The following CCDC183 variants were observed in gnomAD, a reference collection of about 807,000 sequenced individuals.
CCDC183 encodes the protein coiled-coil domain-containing protein 183.
CCDC183 carries 63 observed loss-of-function variants against 65.2 expected under a neutral mutation model. The ratio of observed to expected loss-of-function variants is 0.97; its 90% CI spans 0.79 to 1.19. The LOEUF is 1.19. Among genes scored for constraint, CCDC183 ranks in the 50% most tolerant of loss-of-function variants. CCDC183 has a pLI of 0.00. For synonymous variants in CCDC183, 323 were observed against 276.5 expected (o/e 1.17, Z -1.67); for missense variants, 769 against 689.3 (o/e 1.12, Z -1.30).
At chr9:136,800,298 G>T in intron 4 of CCDC183, 91 bp from the exon 5 acceptor site, 1 of 1,458,720 alleles carries the variant, frequency 6.9e-7, no homozygotes, top group Non-Finnish European at 9.3e-7. Flanking sequence ...GGGGCTAAGA[G>T]AGCACGACCC....
chr9:136,798,295 CG>C (rs140726287), intron 1 of CCDC183, among the ~76,000 whole-genome samples: 37,422 of 150,756 alleles, frequency 0.25, 4,806 homozygotes, highest in African/African-American at 0.32. Context: ...CATGAGCCAC[CG>C]GCGCCTAGCT....
intron 9 of CCDC183, 74 bp from the exon 10 acceptor site, chr9:136,806,004 A>G: frequency 7.8e-7 from 1 of 1,274,318 alleles, no homozygotes; most frequent in Non-Finnish European, 1.1e-6. Flanking sequence ...GGCCCAGAAG[A>G]AACCAGTTCT....
In CCDC183 at chr9:136,807,656, G is replaced by T; in HGVS notation, c.1571G>T (p.Gly524Val). The T allele has an allele frequency of 1.2e-6, 2 of 1,604,164 alleles. No individual in the cohort carries two copies. Among genetic ancestry groups the T allele is most frequent in the Non-Finnish European group, 1.7e-6 (2 of 1,175,722 alleles). ...AGGCAGGCGCAGCGGCTAATCGAGG[G>T]GAAGCTCAAGGCGGCCAAGAAAAAG... ...IKRQAQRLIE[G>V]KLKAAKKKKK Residue 524 changes from glycine to valine, a missense_variant, in exon 14 of 14, where the codon GGG becomes GTG. By Grantham distance (109) the Gly-to-Val change is moderately radical. Transcript: ENST00000338005.
At chr9:136,798,377 T>G (rs1045611996) in intron 1 of CCDC183, among the ~76,000 whole-genome samples, 1 of 151,832 alleles carries the variant, frequency 6.6e-6, no homozygotes, top group Non-Finnish European at 1.5e-5. Flanking sequence ...CTCAGCTCAC[T>G]GCAACCTCCA....
Position 136,800,056 on chromosome 9 carries a change from C to T in CCDC183, c.325C>T (p.Leu109=). The T allele has an allele frequency of 6.3e-7, 1 of 1,587,256 alleles. No individual in the cohort carries two copies. Among genetic ancestry groups the T allele is most frequent in the Non-Finnish European group, 8.6e-7 (1 of 1,167,764 alleles). The change falls in exon 4 of 14, where the codon CTA becomes TTA. Residue 109 remains leucine, a synonymous_variant. Coordinates refer to ENST00000338005, the MANE Select transcript of CCDC183 (RefSeq NM_001039374.5). ...CTTCGACCGCGTGAACATGCACAACCTACTGATCCACCTGGTGCGGCGGCG... is the reference window on the plus strand; with the variant it reads ...CTTCGACCGCGTGAACATGCACAACTTACTGATCCACCTGGTGCGGCGGCG... The part of the protein sequence containing the change: ...YVFDRVNMHN[L]LIHLVRRRGQ...
At position 136,804,630 on chromosome 9, in the gene CCDC183, A is replaced by G. The variant is rs1187292657; in HGVS notation, c.792+3A>G. On this transcript the variant is annotated splice_donor_region_variant and intron_variant, in intron 7 of 13. Transcript: ENST00000338005. The surrounding 1 kb of genome is among the most constrained non-coding windows in gnomAD (Gnocchi z 4.1). Reference sequence around the variant, plus strand: ...AGACCAGCGAGAAGTACCGCCGGGTAAGCCCCAGGCCAGGGCCTGGCTGGC... The same window carrying G: ...AGACCAGCGAGAAGTACCGCCGGGTGAGCCCCAGGCCAGGGCCTGGCTGGC... 1.9e-6 allele frequency: 3 copies of G among 1,613,632 alleles called. No homozygotes were observed. In the South Asian group the frequency reaches 3.3e-5, roughly 18 times the overall value.
At chr9:136,798,314 T>G (rs1847684122) in intron 1 of CCDC183, among the ~76,000 whole-genome samples, 1 of 148,984 alleles carries the variant, frequency 6.7e-6, no homozygotes, top group South Asian at 2.1e-4. Flanking sequence ...GCTTATTTAT[T>G]TTTTTGAGAC....
intron 1 of CCDC183, among the ~76,000 whole-genome samples, chr9:136,797,041 G>C (rs1847658985): frequency 6.6e-6 from 1 of 152,194 alleles, no homozygotes; most frequent in African/African-American, 2.4e-5. Context: ...CCCTGGGAAT[G>C]GAATGTCTCA....
Position 136,804,362 on chromosome 9 carries a change from G to A in CCDC183, c.667-140G>A. The A allele has an allele frequency of 8.3e-7, 1 of 1,211,742 alleles. No homozygotes were observed. Among genetic ancestry groups the A allele is most frequent in the Non-Finnish European group, 1.1e-6 (1 of 887,316 alleles). 75.1% of individuals were successfully genotyped at this position (1,211,742 alleles called of 1,614,324 possible). On this transcript the variant is annotated intron_variant, in intron 6 of 13. Coordinates refer to ENST00000338005, the MANE Select transcript of CCDC183 (RefSeq NM_001039374.5). This position sits in a 1 kb window ranked among gnomAD's most constrained non-coding sequence, Gnocchi z 4.1. ...GGGGCCACGGGCACAAGTGGTTTAG[G>A]AAAAGGGTGTGGCCATTGGCCGGGG... is the stretch of plus-strand genomic sequence containing the variant.
At chr9:136,803,949 G>T (rs1286205284) in intron 6 of CCDC183, 1 of 160,360 alleles carries the variant, frequency 6.2e-6, no homozygotes, top group East Asian at 1.9e-4. Flanking sequence ...GTGTACTCAG[G>T]CTGCAGGGAC....
intron 9 of CCDC183, 59 bp downstream of exon 9, chr9:136,805,516 G>GGAGCATTACCCAGGC: frequency 6.8e-7 from 1 of 1,465,994 alleles, no homozygotes; most frequent in Non-Finnish European, 9.5e-7. Flanking sequence ...CTCACGTCTG[G>GGAGCATTACCCAGGC]GTAATGCTCC....
chr9:136,805,353 C>T lies in CCDC183; in HGVS notation c.848-4C>T. ...CTGACTGCCCCTCCCCTCTGCTCTG[C>T]CAGTGAGGAGAAAAGAGACCTCCAC... On this transcript the variant is annotated splice_polypyrimidine_tract_variant and splice_region_variant and intron_variant, in intron 8 of 13. Coordinates refer to ENST00000338005, the MANE Select transcript of CCDC183 (RefSeq NM_001039374.5). 1 of 1,610,622 alleles carries T rather than the reference C, an allele frequency of 6.2e-7. No homozygotes were observed. Among genetic ancestry groups the T allele is most frequent in the Non-Finnish European group, 8.5e-7 (1 of 1,178,076 alleles).
Position 136,796,435 on chromosome 9 carries a change from C to A in CCDC183, c.38C>A (p.Thr13Asn), listed in dbSNP as rs1220454064. 1.3e-6 allele frequency: 2 copies of A among 1,580,980 alleles called. No homozygotes were observed. Among genetic ancestry groups the A allele is most frequent in the Non-Finnish European group, 1.7e-6 (2 of 1,163,388 alleles). ...AGTGAGACAGATGTGGAAGAGCAGA[C>A]CCAGGAGCTGAAGACCATCACTCAG... Reference protein sequence around the residue: ...RHSETDVEEQTQELKTITQLQ... With the variant: ...RHSETDVEEQNQELKTITQLQ... Residue 13 changes from threonine to asparagine, a missense_variant, in exon 1 of 14, where the codon ACC (threonine) becomes AAC (asparagine). By Grantham distance (65) the Thr-to-Asn change is moderately conservative. Transcript: ENST00000338005.
At chr9:136,796,550 T>G (rs775183184) in intron 1 of CCDC183, 83 bp downstream of exon 1, 22 of 928,698 alleles carry the variant, frequency 2.4e-5, no homozygotes, top group Admixed American at 4.2e-5. Flanking sequence ...AAAAGAGAGA[T>G]CAGATTGTTA....
At position 136,804,174 on chromosome 9, in the gene CCDC183, T is replaced by G. The variant is rs1847801189; in HGVS notation, c.667-328T>G. ...CAAGGGCACGCTGGAAGAGGCCAGG[T>G]TTTGGGGAAGAGGATGAATCTGTCT... On this transcript the variant is annotated intron_variant, in intron 6 of 13. Coordinates refer to ENST00000338005, the MANE Select transcript of CCDC183 (RefSeq NM_001039374.5). This position sits in a 1 kb window ranked among gnomAD's most constrained non-coding sequence, Gnocchi z 4.1. 3.5e-6 allele frequency: 1 copy of G among 287,896 alleles called. No individual in the cohort carries two copies. The highest frequency in any genetic ancestry group is 6.8e-6 in the Non-Finnish European group (1 of 147,486). The allele number at this position is 287,896 out of a possible 1,614,324, so 17.8% of individuals were successfully genotyped here.
chr9:136,807,671 C>T lies in CCDC183; in HGVS notation c.1586C>T (p.Ala529Val). 6.2e-7 allele frequency: 1 copy of T among 1,602,596 alleles called. No individual in the cohort carries two copies. Among genetic ancestry groups the T allele is most frequent in the Non-Finnish European group, 8.5e-7 (1 of 1,174,850 alleles). The part of the protein sequence containing the change: ...QRLIEGKLKA[A>V]KKKKK Reference sequence around the variant, plus strand: ...CTAATCGAGGGGAAGCTCAAGGCGGCCAAGAAAAAGAAGAAGTAGCCCCGC... The same window carrying T: ...CTAATCGAGGGGAAGCTCAAGGCGGTCAAGAAAAAGAAGAAGTAGCCCCGC... Residue 529 changes from alanine to valine, a missense_variant, in exon 14 of 14, where the codon GCC becomes GTC. Ala to Val is a moderately conservative substitution (Grantham distance 64). Coordinates refer to ENST00000338005, the MANE Select transcript of CCDC183 (RefSeq NM_001039374.5).
In CCDC183 at chr9:136,807,075, C is replaced by T. The variant is rs770948741; in HGVS notation, c.1486+9C>T. 15 of 1,612,488 alleles carry T rather than the reference C, an allele frequency of 9.3e-6. No homozygotes were observed. Among genetic ancestry groups the T allele is most frequent in the African/African-American group, 6.7e-5 (5 of 75,008 alleles). ...GGAGGAGGATATGATCGGTACAGGC[C>T]CCGGAACTGGGGCCCGGGCTGCAGG... On this transcript the variant is annotated intron_variant, in intron 13 of 13. Transcript: ENST00000338005.
At position 136,799,703 on chromosome 9, in the gene CCDC183, C is replaced by T. The variant is rs755997601; in HGVS notation, c.193-10C>T. 5.6e-6 allele frequency: 9 copies of T among 1,612,020 alleles called. No individual in the cohort carries two copies. Among genetic ancestry groups the T allele is most frequent in the Non-Finnish European group, 7.6e-6 (9 of 1,179,476 alleles). On this transcript the variant is annotated splice_polypyrimidine_tract_variant and intron_variant, in intron 2 of 13. Coordinates refer to ENST00000338005, the MANE Select transcript of CCDC183 (RefSeq NM_001039374.5). ...GGGCCCGCTCTAGCTCAGCCGCCGC[C>T]GCTCCGCAGTATGACCAGTGGACCA... is the stretch of plus-strand genomic sequence containing the variant.
At position 136,805,431 on chromosome 9, in the gene CCDC183, AGTGCTGTACG is replaced by A. The variant is rs746541542; in HGVS notation, c.928_937del (p.Val310LeufsTer34). On this transcript the variant is annotated frameshift_variant, in exon 9 of 14. Coordinates refer to ENST00000338005, the MANE Select transcript of CCDC183 (RefSeq NM_001039374.5). LOFTEE classifies it high-confidence loss of function. ...GACTGCTGTGGTGGAGAAGGTCAAG[AGTGCTGTACG>A]GTGCTCTCACGTCTGGGTAATGCCC... The A allele has an allele frequency of 2.5e-6, 4 of 1,613,922 alleles. No individual in the cohort carries two copies. The highest frequency in any genetic ancestry group is 3.4e-6 in the Non-Finnish European group (4 of 1,179,992).
Sources: gnomAD v4.1 joint callset for allele counts (sites outside exome capture counted in the v4.1 genomes callset) on GRCh38, gnomAD v4.1.1 for gene constraint, Gnocchi (gnomAD v3.1) non-coding constraint, MANE v1.5 for transcripts, NCBI Gene and HGNC (gene_info 2026-07-23, HGNC 2026-07-21) for gene names.